Variants in GALNTL6 observed in about 807,000 individuals in gnomAD.
The protein encoded by GALNTL6 is polypeptide N-acetylgalactosaminyltransferase like 6, also known as polypeptide N-acetylgalactosaminyltransferase-like 6.
Under a neutral mutation model 73.7 loss-of-function variants are expected in GALNTL6, and 46 were observed. The ratio of observed to expected loss-of-function variants is 0.62; its 90% CI spans 0.49 to 0.80. The LOEUF (loss-of-function observed/expected upper bound fraction) is 0.80, where lower values mean the gene tolerates loss of function less well. Ranked by LOEUF, GALNTL6 falls within the 30% of genes least tolerant of loss-of-function variation. GALNTL6 has a pLI of 0.00. For missense variants in GALNTL6, 604 were observed against 755.0 expected, an observed-to-expected ratio of 0.80 and a Z score of 2.34; for synonymous variants, 259 against 263.7, an observed-to-expected ratio of 0.98 and a Z score of 0.17.
chr4:172,872,106 CT>C (rs1744979316), intron 7 of GALNTL6, among the ~76,000 whole-genome samples: 2 of 152,066 alleles, frequency 1.3e-5, no homozygotes, highest in Admixed American at 1.3e-4. Context: ...TTAGTATATT[CT>C]AAACAAAAAG....
At chr4:171,897,548 C>T (rs1280350861) in intron 2 of GALNTL6, among the ~76,000 whole-genome samples, 1 of 152,058 alleles carries the variant, frequency 6.6e-6, no homozygotes, top group Non-Finnish European at 1.5e-5. Context: ...GGTGGCTGGG[C>T]GCTGTGGCTC....
At chr4:171,959,226 T>A (rs910926068) in intron 2 of GALNTL6, among the ~76,000 whole-genome samples, 24 of 152,214 alleles carry the variant, frequency 1.6e-4, no homozygotes, top group Admixed American at 1.2e-3. Flanking sequence ...TGCAGGAATT[T>A]TTTTTTGAAA....
intron 5 of GALNTL6, among the ~76,000 whole-genome samples, chr4:172,705,492 C>CA (rs1248312833): frequency 4.7e-5 from 7 of 150,076 alleles, no homozygotes; most frequent in Admixed American, 1.3e-4. Context: ...CTATTCCTTC[C>CA]AAAATTTTGA....
At chr4:171,950,544 G>A (rs1204256234) in intron 2 of GALNTL6, among the ~76,000 whole-genome samples, 5 of 148,592 alleles carry the variant, frequency 3.4e-5, no homozygotes, top group Admixed American at 6.9e-5. Flanking sequence ...GCAGTGGCTC[G>A]ATCTTGGCTC....
At chr4:172,197,187 C>T (rs1337467096) in intron 2 of GALNTL6, among the ~76,000 whole-genome samples, 1 of 151,352 alleles carries the variant, frequency 6.6e-6, no homozygotes, top group East Asian at 2.0e-4. Context: ...CTTTCATGTA[C>T]AATTGCTACA....
At chr4:172,270,755 T>A (rs1320455343) in intron 3 of GALNTL6, among the ~76,000 whole-genome samples, 2 of 151,728 alleles carry the variant, frequency 1.3e-5, no homozygotes, top group African/African-American at 4.8e-5. Flanking sequence ...AGATAGATGA[T>A]AGATAGTAGA....
At chr4:171,920,698 A>G (rs1467089393) in intron 2 of GALNTL6, among the ~76,000 whole-genome samples, 1 of 152,172 alleles carries the variant, frequency 6.6e-6, no homozygotes, top group African/African-American at 2.4e-5. Flanking sequence ...CTCCTTAATG[A>G]TCGATACAAA....
intron 2 of GALNTL6, among the ~76,000 whole-genome samples, chr4:172,159,732 T>C (rs1324410498): frequency 6.6e-6 from 1 of 152,154 alleles, no homozygotes; most frequent in Non-Finnish European, 1.5e-5. Flanking sequence ...GATTTTAACC[T>C]AAAGTCAAAG....
intron 2 of GALNTL6, among the ~76,000 whole-genome samples, chr4:171,855,374 A>G (rs1324989088): frequency 6.6e-6 from 1 of 152,188 alleles, no homozygotes; most frequent in African/African-American, 2.4e-5. Flanking sequence ...ATTATTAGAG[A>G]ATGCAGCCTT....
At chr4:172,887,231 C>G (rs2111202935) in intron 8 of GALNTL6, among the ~76,000 whole-genome samples, 2 of 152,256 alleles carry the variant, frequency 1.3e-5, no homozygotes, top group South Asian at 4.1e-4. Context: ...ATTCAGTCCA[C>G]CATTGATGGG....
intron 5 of GALNTL6, among the ~76,000 whole-genome samples, chr4:172,716,153 G>A (rs1246308717): frequency 6.6e-6 from 1 of 152,120 alleles, no homozygotes; most frequent in East Asian, 1.9e-4. Flanking sequence ...AGGTGCTGGT[G>A]GTGTCTAGTC....
intron 6 of GALNTL6, among the ~76,000 whole-genome samples, chr4:172,810,992 AGAGT>A (rs151045948): frequency 0.19 from 29,358 of 151,370 alleles, 3,510 homozygotes; most frequent in African/African-American, 0.32. Flanking sequence ...AGAAAAAAAA[AGAGT>A]AAGAGAAACC....
At chr4:172,288,551 C>G (rs1300281300) in intron 3 of GALNTL6, among the ~76,000 whole-genome samples, 1 of 152,126 alleles carries the variant, frequency 6.6e-6, no homozygotes, top group East Asian at 1.9e-4. Flanking sequence ...TTAATTAGAA[C>G]CTTCTTACTA....
At chr4:172,421,507 A>C (rs887013356) in intron 5 of GALNTL6, among the ~76,000 whole-genome samples, 1 of 151,914 alleles carries the variant, frequency 6.6e-6, no homozygotes, top group Non-Finnish European at 1.5e-5. Flanking sequence ...GGGAGATAAA[A>C]TAAAAAGGAT....
chr4:172,213,153 T>C (rs2110930986), intron 2 of GALNTL6, among the ~76,000 whole-genome samples: 1 of 152,318 alleles, frequency 6.6e-6, no homozygotes, highest in Non-Finnish European at 1.5e-5. Flanking sequence ...TAATATTCCA[T>C]TGTATAGATG....
chr4:172,258,999 A>G (rs1051382074), intron 3 of GALNTL6, among the ~76,000 whole-genome samples: 1 of 151,178 alleles, frequency 6.6e-6, no homozygotes, highest in Non-Finnish European at 1.5e-5. Context: ...TTGTTGGTTG[A>G]TGGGCATTTA....
At chr4:172,475,436 G>T (rs1316730000) in intron 5 of GALNTL6, among the ~76,000 whole-genome samples, 1 of 138,562 alleles carries the variant, frequency 7.2e-6, no homozygotes. Context: ...AAGGTTGGCA[G>T]AAAAAAAAAA....
chr4:172,144,966 A>T lies in GALNTL6; in HGVS notation c.139-84690A>T, dbSNP rs575489277. Among the ~76,000 whole-genome samples, 4 of 150,786 alleles carry T rather than the reference A, an allele frequency of 2.7e-5. No individual in the cohort carries two copies. In the South Asian group the frequency reaches 8.4e-4, roughly 32 times the overall value. On this transcript the variant is annotated intron_variant, in intron 2 of 12. Coordinates refer to ENST00000506823, the MANE Select transcript of GALNTL6 (RefSeq NM_001034845.3). ...GATTTAAGTCTTATGGAAATACAACATTTTTTTTTGAGACAGGATCTTTCT... is the reference window on the plus strand; with the variant it reads ...GATTTAAGTCTTATGGAAATACAACTTTTTTTTTTGAGACAGGATCTTTCT...
At chr4:172,987,515 C>T (rs1751342897) in intron 10 of GALNTL6, among the ~76,000 whole-genome samples, 1 of 152,176 alleles carries the variant, frequency 6.6e-6, no homozygotes, top group Admixed American at 6.5e-5. Flanking sequence ...CAAACCATAT[C>T]AGTCCAATTA....
Sources: gnomAD v4.1 joint callset for allele counts (sites outside exome capture counted in the v4.1 genomes callset) on GRCh38, gnomAD v4.1.1 for gene constraint, MANE v1.5 for transcripts, NCBI Gene and HGNC (gene_info 2026-07-23, HGNC 2026-07-21) for gene names.